Variants in BCAR3 observed in about 807,000 individuals in gnomAD.
BCAR3 encodes BCAR3 adaptor protein, NSP family member.
A neutral mutation model predicts 80.1 loss-of-function variants in BCAR3; 37 were observed. The observed-to-expected ratio is 0.46, with a 90% CI of 0.36 to 0.61. BCAR3 has a LOEUF of 0.61. Among genes scored for constraint, BCAR3 ranks in the 20% least tolerant of loss-of-function variants. The pLI is 0.00. For synonymous variants in BCAR3, 389 were observed against 418.9 expected, an observed-to-expected ratio of 0.93 and a Z score of 0.87; for missense variants, 978 against 1,068.2, an observed-to-expected ratio of 0.92 and a Z score of 1.18.
intron 2 of BCAR3, among the ~76,000 whole-genome samples, chr1:93,821,820 T>C (rs1654233952): frequency 6.6e-6 from 1 of 152,226 alleles, no homozygotes; most frequent in African/African-American, 2.4e-5. Context: ...ACCATTATTA[T>C]GCCCATTTCA....
intron 3 of BCAR3, among the ~76,000 whole-genome samples, chr1:93,614,980 GT>G (rs1675064747): frequency 6.8e-6 from 1 of 146,106 alleles, no homozygotes; most frequent in Non-Finnish European, 1.5e-5. Context: ...CTTCATTCCA[GT>G]TATAGCGGAT....
intron 2 of BCAR3, among the ~76,000 whole-genome samples, chr1:93,647,618 C>T (rs1676181380): frequency 6.6e-6 from 1 of 151,834 alleles, no homozygotes; most frequent in African/African-American, 2.4e-5. Context: ...AATAGAAGGA[C>T]ACTCTGCTTC....
chr1:93,752,733 TTGGCTTGATCCACACA>T (rs1455732109), intron 2 of BCAR3, among the ~76,000 whole-genome samples: 2 of 152,152 alleles, frequency 1.3e-5, no homozygotes, highest in East Asian at 3.9e-4. Context: ...AGGCAGGACG[TTGGCTTGATCCACACA>T]TGGCCACACT....
intron 2 of BCAR3, among the ~76,000 whole-genome samples, chr1:93,711,786 G>A (rs1314379336): frequency 6.6e-6 from 1 of 152,106 alleles, no homozygotes; most frequent in Admixed American, 6.5e-5. Flanking sequence ...TTCTTAGCCT[G>A]TCTGCCTCAC....
chr1:93,813,675 C>T (rs978630024), intron 2 of BCAR3, among the ~76,000 whole-genome samples: 4 of 152,120 alleles, frequency 2.6e-5, no homozygotes, highest in Non-Finnish European at 4.4e-5. Flanking sequence ...CTTAATATTT[C>T]GGGATCAAAG....
Position 93,576,047 on chromosome 1 carries a change from T to G in BCAR3, c.1769A>C (p.His590Pro). ...TATGTCCAGGCGCAGCTGGTGTCCG[T>G]GAGGCAAGGTAATGAGTTCCAGGCC... ...SSGLELITLP[H>P]GHQLRLDIIE... Residue 590 changes from histidine to proline, a missense_variant, in exon 8 of 12, where the codon CAC (histidine) becomes CCC (proline). Transcript: ENST00000260502. 1 of 1,614,136 alleles carries G rather than the reference T, an allele frequency of 6.2e-7. No individual in the cohort carries two copies. Among genetic ancestry groups the G allele is most frequent in the Non-Finnish European group, 8.5e-7 (1 of 1,180,016 alleles).
At chr1:93,607,716 C>G (rs1023145812) in intron 3 of BCAR3, among the ~76,000 whole-genome samples, 1 of 152,206 alleles carries the variant, frequency 6.6e-6, no homozygotes, top group Non-Finnish European at 1.5e-5. Flanking sequence ...AAGCTCTTTC[C>G]CTCTCCTGTG....
At chr1:93,682,692 T>C (rs1648836624), upstream of BCAR3, among the ~76,000 whole-genome samples, 1 of 152,194 alleles carries the variant, frequency 6.6e-6, no homozygotes, top group Non-Finnish European at 1.5e-5. Flanking sequence ...GTAGCTGGGA[T>C]TACAGGCGCA....
At position 93,845,864 on chromosome 1, in the gene BCAR3, A is replaced by T. The variant is rs139857864; in HGVS notation, c.-208-152T>A. Among the ~76,000 whole-genome samples, 450 of 152,222 alleles carry T rather than the reference A, an allele frequency of 3.0e-3. 1 individual carries two copies. Among genetic ancestry groups the T allele is most frequent in the African/African-American group, 0.011 (440 of 41,514 alleles). Reference sequence around the variant, plus strand: ...TTCCTGTGAGAACTGGGGTCCAGGGAGCCAACTCAAAAATGGTGATACTCT... The same window carrying T: ...TTCCTGTGAGAACTGGGGTCCAGGGTGCCAACTCAAAAATGGTGATACTCT... On this transcript the variant is annotated intron_variant, in intron 1 of 13. Transcript: ENST00000370244.
chr1:93,694,543 C>T (rs1037844674), intron 3 of BCAR3, among the ~76,000 whole-genome samples: 9 of 152,074 alleles, frequency 5.9e-5, no homozygotes, highest in African/African-American at 2.2e-4. Flanking sequence ...TTTTCCAAAC[C>T]TCTCATCCAT....
intron 3 of BCAR3, among the ~76,000 whole-genome samples, chr1:93,695,945 C>A (rs554985272): frequency 2.6e-5 from 4 of 152,326 alleles, no homozygotes; most frequent in South Asian, 2.1e-4. Flanking sequence ...TCCCCAACCA[C>A]CTTGAAAATG....
At chr1:93,630,783 T>C (rs1430595074) in intron 3 of BCAR3, among the ~76,000 whole-genome samples, 1 of 152,196 alleles carries the variant, frequency 6.6e-6, no homozygotes, top group Non-Finnish European at 1.5e-5. Context: ...ATATAGCTGG[T>C]ATTTACTGAG....
chr1:93,578,574 C>T (rs1673559662), intron 7 of BCAR3, among the ~76,000 whole-genome samples: 1 of 152,180 alleles, frequency 6.6e-6, no homozygotes, highest in South Asian at 2.1e-4. Flanking sequence ...AAAGATGCAG[C>T]CTTCCAAACT....
Position 93,789,290 on chromosome 1 carries a change from C to T in BCAR3, c.-63+56277G>A, listed in dbSNP as rs1653057049. On this transcript the variant is annotated intron_variant, in intron 2 of 13. Transcript: ENST00000370244. ...TACACCCAACCTATTAAAATACTGT[C>T]TTTTGGTGTGAGAGGAAATGCTCAC... is the stretch of plus-strand genomic sequence containing the variant. Among the ~76,000 whole-genome samples the T allele has an allele frequency of 2.0e-5, 3 of 152,158 alleles. No individual in the cohort carries two copies. The South Asian group carries it at 6.2e-4, about 31-fold the overall frequency.
rs150651008 is a variant in BCAR3 at position 93,840,886 on chromosome 1, A to G, written c.-63+4681T>C. Among the ~76,000 whole-genome samples the G allele has an allele frequency of 3.0e-3, 451 of 152,322 alleles. 1 individual carries two copies. Among genetic ancestry groups the G allele is most frequent in the African/African-American group, 0.011 (441 of 41,576 alleles). ...GGACTCATTCATTTGTTCAATCAAT[A>G]TTCAAAGCTACTTGTTGTGAGCTAG... is the stretch of plus-strand genomic sequence containing the variant. On this transcript the variant is annotated intron_variant, in intron 2 of 13. Transcript: ENST00000370244.
At chr1:93,650,066 C>G (rs1016386066) in intron 2 of BCAR3, among the ~76,000 whole-genome samples, 1 of 151,684 alleles carries the variant, frequency 6.6e-6, no homozygotes, top group African/African-American at 2.4e-5. Flanking sequence ...AAAAAAGAAG[C>G]CTAGGAGGGT....
Position 93,766,334 on chromosome 1 carries a change from A to T in BCAR3, c.-62-60192T>A, listed in dbSNP as rs539102596. On this transcript the variant is annotated intron_variant, in intron 2 of 13. Coordinates refer to the BCAR3 transcript ENST00000370244. ...ATGACTTGGGACAAATGCATTAGGT[A>T]ACACTAAGTGTGCATGTGTTTGGGG... 2.0e-5 allele frequency among the ~76,000 whole-genome samples: 3 copies of T among 152,220 alleles called. No homozygotes were observed. In the South Asian group the frequency reaches 6.2e-4, roughly 32 times the overall value.
intron 2 of BCAR3, among the ~76,000 whole-genome samples, chr1:93,809,929 G>A (rs577791047): frequency 5.9e-5 from 9 of 152,088 alleles, no homozygotes; most frequent in Non-Finnish European, 7.4e-5. Flanking sequence ...GGCCCGATGC[G>A]GTGGCTCACG....
chr1:93,698,132 G>A (rs535304414), intron 3 of BCAR3, among the ~76,000 whole-genome samples: 1 of 152,352 alleles, frequency 6.6e-6, no homozygotes, highest in East Asian at 1.9e-4. Flanking sequence ...GGCAGCAGCG[G>A]AAGCAGGATG....
Sources: gnomAD v4.1 joint callset for allele counts (sites outside exome capture counted in the v4.1 genomes callset) on GRCh38, gnomAD v4.1.1 for gene constraint, MANE v1.5 for transcripts, NCBI Gene and HGNC (gene_info 2026-07-23, HGNC 2026-07-21) for gene names.